Variants in PHACTR3 observed in about 807,000 individuals in gnomAD.
PHACTR3 encodes phosphatase and actin regulator 3.
PHACTR3 carries 16 observed loss-of-function variants against 66.8 expected under a neutral mutation model. That is an observed-to-expected ratio of 0.24 (90% CI 0.16 to 0.36). The LOEUF (loss-of-function observed/expected upper bound fraction) is 0.36. Among genes scored for constraint, PHACTR3 ranks in the 10% least tolerant of loss-of-function variants. The pLI, the probability that PHACTR3 is intolerant of heterozygous loss-of-function variation, is 1.00. For synonymous variants in PHACTR3, 323 were observed against 292.1 expected, an observed-to-expected ratio of 1.11 and a Z score of -1.08; for missense variants, 647 against 719.9, an observed-to-expected ratio of 0.90 and a Z score of 1.16.
chr20:59,635,134 T>TTTCTTTCTTTCTTTC (rs1568948719), intron 1 of PHACTR3, among the ~76,000 whole-genome samples: 12 of 72,980 alleles, frequency 1.6e-4, no homozygotes, highest in East Asian at 6.5e-4. Context: ...TTTCTTTCTT[T>TTTCTTTCTTTCTTTC]CTTTCTTTCT....
At chr20:59,628,923 C>A in intron 1 of PHACTR3, 2 of 533,570 alleles carry the variant, frequency 3.7e-6, no homozygotes, top group Non-Finnish European at 4.8e-6. Context: ...CCCTCAATGA[C>A]AGCATCCACC....
rs546597147 is a variant in PHACTR3, at chr20:59,739,874, A to T, written c.119-3233A>T. 7.2e-5 allele frequency among the ~76,000 whole-genome samples: 11 copies of T among 152,106 alleles called. No homozygotes were observed. In the South Asian group the frequency reaches 1.9e-3, roughly 26 times the overall value. On this transcript the variant is annotated intron_variant, in intron 1 of 12. Transcript: ENST00000371015. Reference sequence around the variant, plus strand: ...TGGGTCCCCTCGATGCAGCTTTGGAAGGTGAGAGGGGCCTCTGGAGTCAGG... The same window carrying T: ...TGGGTCCCCTCGATGCAGCTTTGGATGGTGAGAGGGGCCTCTGGAGTCAGG...
chr20:59,785,428 T>C (rs1174613242), intron 7 of PHACTR3, among the ~76,000 whole-genome samples: 1 of 152,128 alleles, frequency 6.6e-6, no homozygotes, highest in East Asian at 1.9e-4. Context: ...ACTTGTGAAT[T>C]CTGGGGCAGA....
intron 7 of PHACTR3, among the ~76,000 whole-genome samples, chr20:59,805,347 C>G (rs147249308): frequency 6.6e-6 from 1 of 152,248 alleles, no homozygotes; most frequent in South Asian, 2.1e-4. Context: ...GATCTGCCAT[C>G]TCCACACCCT....
At chr20:59,836,392 T>G in intron 8 of PHACTR3, 113 bp from the exon 9 acceptor site, 2 of 916,034 alleles carry the variant, frequency 2.2e-6, no homozygotes, top group Non-Finnish European at 3.2e-6. Flanking sequence ...TCCTTCCAAT[T>G]TTGGGAGGCG....
At position 59,604,590 on chromosome 20, in the gene PHACTR3, GGGGGGGT is replaced by G. The variant is rs1169294538; in HGVS notation, c.-413_-407del. ...GATTCTTCCTTTTCCCTTTTTTCCT[GGGGGGGT>G]GGGGGGTGGGGTGGGGGGAGGGAGC... On this transcript the variant is annotated 5_prime_UTR_variant, in exon 1 of 13. Transcript: ENST00000371015. 2.1e-6 allele frequency: 1 copy of G among 475,372 alleles called. No individual in the cohort carries two copies. The highest frequency in any genetic ancestry group is 2.7e-6 in the Non-Finnish European group (1 of 366,622). The allele number at this position is 475,372 out of a possible 1,614,324, so 29.4% of individuals were successfully genotyped here. A position where few individuals can be genotyped will look rare whatever the true frequency, so the allele number is the denominator to read the frequency against.
intron 7 of PHACTR3, among the ~76,000 whole-genome samples, chr20:59,782,485 C>T (rs995064611): frequency 2.0e-5 from 3 of 152,142 alleles, no homozygotes; most frequent in African/African-American, 7.2e-5. Context: ...CTCCTGACCT[C>T]AGGTGATCCA....
chr20:59,806,141 G>A lies in PHACTR3; in HGVS notation c.1275G>A (p.Arg425=). 1 of 1,614,266 alleles carries A rather than the reference G, an allele frequency of 6.2e-7. No homozygotes were observed. Among genetic ancestry groups the A allele is most frequent in the Admixed American group, 1.7e-5 (1 of 60,028 alleles). ...AAGACCGGAACATTTTCCCCAGAAG[G>A]ACTGATGAAGAAAGACAGGAGATCC... ...ELEDRNIFPR[R]TDEERQEIRQ... is the part of the protein sequence containing the mutation. The change falls in exon 8 of 13, where the codon AGG becomes AGA. Residue 425 remains arginine (R), a synonymous_variant. Coordinates refer to ENST00000371015, the MANE Select transcript of PHACTR3 (RefSeq NM_080672.5).
intron 12 of PHACTR3, among the ~76,000 whole-genome samples, chr20:59,845,625 GT>G (rs1568881882): frequency 6.6e-6 from 1 of 152,068 alleles, no homozygotes; most frequent in Non-Finnish European, 1.5e-5. Flanking sequence ...ACAGATTTTT[GT>G]GAAATTAGTC....
At chr20:59,648,153 G>C (rs979817285) in intron 1 of PHACTR3, among the ~76,000 whole-genome samples, 1 of 152,178 alleles carries the variant, frequency 6.6e-6, no homozygotes, top group East Asian at 1.9e-4. Context: ...GGGGAGTTTG[G>C]CTTCAGGCCC....
At chr20:59,615,217 C>A (rs1377664433) in intron 1 of PHACTR3, among the ~76,000 whole-genome samples, 1 of 151,970 alleles carries the variant, frequency 6.6e-6, no homozygotes, top group Non-Finnish European at 1.5e-5. Flanking sequence ...GCGAAGAAAC[C>A]ATGAAGGTAG....
chr20:59,762,791 G>T (rs2146850715), intron 4 of PHACTR3, among the ~76,000 whole-genome samples: 1 of 152,362 alleles, frequency 6.6e-6, no homozygotes, highest in East Asian at 1.9e-4. Flanking sequence ...TGGGAGGCTG[G>T]TGAGGAGGCC....
chr20:59,799,411 C>A (rs2041349106), intron 7 of PHACTR3, among the ~76,000 whole-genome samples: 1 of 152,040 alleles, frequency 6.6e-6, no homozygotes, highest in Non-Finnish European at 1.5e-5. Flanking sequence ...TTCTTTATTT[C>A]TTTCCTCAAT....
intron 1 of PHACTR3, chr20:59,628,189 C>T (rs991104081): frequency 6.6e-6 from 1 of 152,240 alleles, no homozygotes. Flanking sequence ...ATGTCCTCCT[C>T]CCAAGATTTA....
chr20:59,743,386 C>T, intron 2 of PHACTR3, 118 bp downstream of exon 2: 5 of 1,313,142 alleles, frequency 3.8e-6, no homozygotes, highest in East Asian at 2.4e-5. Context: ...GGCAGATGTG[C>T]TTCATGGCCT....
chr20:59,629,499 A>T (rs4810176), intron 1 of PHACTR3, among the ~76,000 whole-genome samples: 5 of 152,072 alleles, frequency 3.3e-5, no homozygotes, highest in Non-Finnish European at 7.4e-5. Context: ...TCAAGGTGCC[A>T]GCAGGGCGGG....
intron 1 of PHACTR3, among the ~76,000 whole-genome samples, chr20:59,634,725 G>A (rs959958741): frequency 6.6e-6 from 1 of 152,180 alleles, no homozygotes; most frequent in Non-Finnish European, 1.5e-5. Flanking sequence ...CATTATAGGT[G>A]AGCGCCATCC....
chr20:59,751,468 G>A (rs2039578296), intron 3 of PHACTR3, among the ~76,000 whole-genome samples: 1 of 152,146 alleles, frequency 6.6e-6, no homozygotes, highest in Non-Finnish European at 1.5e-5. Context: ...ACACGCGCAT[G>A]TATGCACACA....
At chr20:59,781,630 A>G (rs954499672) in intron 7 of PHACTR3, among the ~76,000 whole-genome samples, 3 of 152,184 alleles carry the variant, frequency 2.0e-5, no homozygotes, top group African/African-American at 7.2e-5. Context: ...AAAATCTGAT[A>G]TTTGTACATT....
Sources: gnomAD v4.1 joint callset for allele counts (sites outside exome capture counted in the v4.1 genomes callset) on GRCh38, gnomAD v4.1.1 for gene constraint, MANE v1.5 for transcripts, NCBI Gene and HGNC (gene_info 2026-07-23, HGNC 2026-07-21) for gene names.